The following CASP2 variants were observed in gnomAD, a reference collection of about 807,000 sequenced individuals.
CASP2 encodes the protein caspase 2.
Under a neutral mutation model 54.4 loss-of-function variants are expected in CASP2, and 38 were observed. The ratio of observed to expected loss-of-function variants is 0.70; its 90% CI spans 0.54 to 0.92. The LOEUF (loss-of-function observed/expected upper bound fraction) is 0.92. Among genes scored for constraint, CASP2 ranks in the 40% least tolerant of loss-of-function variants. The probability of loss-of-function intolerance (pLI) is 0.00; values close to 1 mark genes in which losing one functional copy is unlikely to be tolerated. For synonymous variants in CASP2, 215 were observed against 216.3 expected (o/e 0.99, Z 0.05); for missense variants, 512 against 579.6 (o/e 0.88, Z 1.20).
chr7:143,293,571 G>A (rs573526997), intron 4 of CASP2, among the ~76,000 whole-genome samples: 1 of 151,022 alleles, frequency 6.6e-6, no homozygotes, highest in Non-Finnish European at 1.5e-5. Flanking sequence ...GTGCAATGGT[G>A]CAGTCTCGGC....
intron 6 of CASP2, 133 bp downstream of exon 6, chr7:143,294,906 A>G: frequency 1.3e-6 from 1 of 794,712 alleles, no homozygotes; most frequent in African/African-American, 1.7e-5. Context: ...ATTTTTACTC[A>G]CTCTGTTCTG....
intron 8 of CASP2, chr7:143,302,552 A>G (rs1231863934): frequency 6.6e-6 from 1 of 152,130 alleles, no homozygotes; most frequent in African/African-American, 2.4e-5. Flanking sequence ...TCTTCACTCT[A>G]TCCCTAGGCC....
At chr7:143,294,092 A>C in intron 4 of CASP2, 138 bp from the exon 5 acceptor site, 1 of 685,134 alleles carries the variant, frequency 1.5e-6, no homozygotes, top group Non-Finnish European at 2.7e-6. Context: ...TGCCCTCATG[A>C]AGCTTACAGG....
intron 6 of CASP2, among the ~76,000 whole-genome samples, chr7:143,297,078 T>C (rs532177656): frequency 6.6e-6 from 1 of 152,352 alleles, no homozygotes; most frequent in East Asian, 1.9e-4. Flanking sequence ...AAGGACAAGC[T>C]ATGGGTTATC....
At chr7:143,300,993 C>G in intron 8 of CASP2, 5 of 911,644 alleles carry the variant, frequency 5.5e-6, no homozygotes, top group Non-Finnish European at 6.6e-6. Flanking sequence ...CAAATTCTGA[C>G]TTCACCATTT....
chr7:143,294,295 C>G lies in CASP2; in HGVS notation c.541C>G (p.Pro181Ala). 1.2e-6 allele frequency: 2 copies of G among 1,611,554 alleles called. No homozygotes were observed. The highest frequency in any genetic ancestry group is 1.7e-6 in the Non-Finnish European group (2 of 1,177,692). ...PVCLQVKPCT[P>A]EFYQTHFQLA... ...CTGCCTTCAGGTGAAGCCTTGCACT[C>G]CTGAATTTTATCAAACACACTTCCA... Residue 181 changes from proline (P) to alanine (A), a missense_variant, in exon 5 of 11, where the codon CCT (proline) becomes GCT (alanine). Pro to Ala is a conservative substitution (Grantham distance 27). Transcript: ENST00000310447.
intron 6 of CASP2, among the ~76,000 whole-genome samples, chr7:143,295,447 G>A (rs1023955225): frequency 1.3e-5 from 2 of 152,198 alleles, no homozygotes; most frequent in Admixed American, 6.5e-5. Context: ...CTCAGTTACT[G>A]TACTGCACAA....
At position 143,294,263 on chromosome 7, in the gene CASP2, G is replaced by A. The variant is rs1190197616; in HGVS notation, c.509G>A (p.Gly170Asp). 1 of 1,611,952 alleles carries A rather than the reference G, an allele frequency of 6.2e-7. No homozygotes were observed. The highest frequency in any genetic ancestry group is 8.5e-7 in the Non-Finnish European group (1 of 1,178,164). ...GAACACTCCCTAGACAATAAAGATG[G>A]TCCTGTCTGCCTTCAGGTGAAGCCT... Reference protein sequence around the residue: ...TVEHSLDNKDGPVCLQVKPCT... With the variant: ...TVEHSLDNKDDPVCLQVKPCT... The change falls in exon 5 of 11, where the codon GGT becomes GAT. Residue 170 changes from glycine (G) to aspartate (D), a missense_variant. This residue lies in a region of CASP2 where 417 missense variants were observed against 495.4 expected (regional missense o/e 0.84). Coordinates refer to ENST00000310447, the MANE Select transcript of CASP2 (RefSeq NM_032982.4).
chr7:143,296,127 T>C (rs1801739652), intron 6 of CASP2, among the ~76,000 whole-genome samples: 1 of 152,272 alleles, frequency 6.6e-6, no homozygotes, highest in Admixed American at 6.5e-5. Flanking sequence ...AAGTCAACTA[T>C]ATATACTGCT....
intron 1 of CASP2, among the ~76,000 whole-genome samples, chr7:143,290,055 CTTTTTTTTTTTT>C (rs35440867): frequency 1.2e-4 from 14 of 114,522 alleles, no homozygotes; most frequent in African/African-American, 3.4e-4. Context: ...TTTTCCCTCC[CTTTTTTTTTTTT>C]TTTTTTTTTT....
chr7:143,300,044 T>G lies in CASP2; in HGVS notation c.869T>G (p.Leu290Arg). 1 of 1,614,158 alleles carries G rather than the reference T, an allele frequency of 6.2e-7. No individual in the cohort carries two copies. ...GCCATCTATGGTGTGGATGGGAAAC[T>G]GCTCCAGGTGCGGATACCCTGGTGG... ...EGAIYGVDGK[L>R]LQLQEVFQLF... Residue 290 changes from leucine to arginine, a missense_variant, in exon 7 of 11, where the codon CTG becomes CGG. By Grantham distance (102) the Leu-to-Arg change is moderately radical (BLOSUM62 -2). Coordinates refer to ENST00000310447, the MANE Select transcript of CASP2 (RefSeq NM_032982.4).
intron 4 of CASP2, 53 bp from the exon 5 acceptor site, chr7:143,294,177 A>G: frequency 1.0e-6 from 1 of 956,630 alleles, no homozygotes; most frequent in East Asian, 2.4e-5. Context: ...TGACATATTA[A>G]GATTGATGGT....
chr7:143,288,390 A>G lies in CASP2; in HGVS notation c.-66A>G. 6.6e-7 allele frequency: 1 copy of G among 1,520,160 alleles called. No homozygotes were observed. The highest frequency in any genetic ancestry group is 1.4e-5 in the African/African-American group (1 of 73,144). The allele number at this position is 1,520,160 out of a possible 1,614,324, so 94.2% of individuals were successfully genotyped here. ...CGTCTGAGGGGAGGGATGTGGGGGA[A>G]GCGACGGCCCCCGGTTTGTTTGGGC... is the stretch of plus-strand genomic sequence containing the variant. On this transcript the variant is annotated 5_prime_UTR_variant, in exon 1 of 11. Coordinates refer to ENST00000310447, the MANE Select transcript of CASP2 (RefSeq NM_032982.4).
chr7:143,288,460 C>T lies in CASP2; in HGVS notation c.5C>T (p.Ala2Val). ...AGAGCCCGGGAAAAGCGGGAAATGG[C>T]GGCGCCGAGCGCGGGGTCTTGGTCC... is the stretch of plus-strand genomic sequence containing the variant. M[A>V]APSAGSWSTF... Residue 2 changes from alanine to valine, a missense_variant, in exon 1 of 11, where the codon GCG becomes GTG. Transcript: ENST00000310447. 1 of 1,612,804 alleles carries T rather than the reference C, an allele frequency of 6.2e-7. No homozygotes were observed.
intron 1 of CASP2, among the ~76,000 whole-genome samples, chr7:143,291,095 T>C (rs1244539280): frequency 1.3e-5 from 2 of 152,246 alleles, no homozygotes; most frequent in African/African-American, 2.4e-5. Flanking sequence ...TTAAAGCCAT[T>C]GGCTTGAGTT....
intron 4 of CASP2, 100 bp from the exon 5 acceptor site, chr7:143,294,130 A>G: frequency 1.3e-6 from 1 of 777,288 alleles, no homozygotes. Context: ...ACCAATATTT[A>G]TCACAACCCA....
chr7:143,303,877 C>G lies in CASP2; in HGVS notation c.1061C>G (p.Pro354Arg), dbSNP rs145217184. ...EESDAGKEKL[P>R]KMRLPTRSDM... ...AGTGATGCCGGTAAAGAAAAGTTGC[C>G]GAAGATGAGACTGCCCACGCGCTCA... Residue 354 changes from proline to arginine, a missense_variant, in exon 9 of 11, where the codon CCG (proline) becomes CGG (arginine). Pro to Arg is a moderately radical substitution (Grantham distance 103, BLOSUM62 -2). This residue lies in a region of CASP2 where 417 missense variants were observed against 495.4 expected (regional missense o/e 0.84). Transcript: ENST00000310447. The G allele has an allele frequency of 1.9e-6, 3 of 1,613,252 alleles. No homozygotes were observed. In the South Asian group the frequency reaches 3.3e-5, roughly 18 times the overall value.
chr7:143,295,844 T>C (rs1425830825), intron 6 of CASP2, among the ~76,000 whole-genome samples: 1 of 152,240 alleles, frequency 6.6e-6, no homozygotes, highest in African/African-American at 2.4e-5. Context: ...TTCAAAGCCA[T>C]GGCAGCAACA....
chr7:143,300,492 T>C, intron 8 of CASP2, 198 bp downstream of exon 8: 1 of 1,591,178 alleles, frequency 6.3e-7, no homozygotes. Context: ...AGCCCATGGC[T>C]CTCAGGCTGG....
Sources: gnomAD v4.1 joint callset for allele counts (sites outside exome capture counted in the v4.1 genomes callset) on GRCh38, gnomAD v4.1.1 for gene constraint, gnomAD v4.1.1 regional missense constraint, MANE v1.5 for transcripts, NCBI Gene and HGNC (gene_info 2026-07-23, HGNC 2026-07-21) for gene names.